AMBRA1: variants seen among roughly 807,000 people sequenced by gnomAD.
The protein encoded by AMBRA1 is autophagy and beclin 1 regulator 1.
Under a neutral mutation model 125.4 loss-of-function variants are expected in AMBRA1, and 47 were observed. The observed-to-expected ratio is 0.37, with a 90% CI of 0.30 to 0.48. The LOEUF is 0.48. AMBRA1 is among the 20% of genes least tolerant of loss of function. The pLI is 0.99. For missense variants in AMBRA1, 1,331 were observed against 1,693.4 expected, an observed-to-expected ratio of 0.79 and a Z score of 3.76; for synonymous variants, 626 against 655.5, an observed-to-expected ratio of 0.95 and a Z score of 0.69.
intron 7 of AMBRA1, among the ~76,000 whole-genome samples, chr11:46,521,312 T>C (rs1397456469): frequency 6.6e-6 from 1 of 152,278 alleles, no homozygotes. Flanking sequence ...GTCTGGTCCC[T>C]GGGAGGCTCA....
intron 7 of AMBRA1, among the ~76,000 whole-genome samples, chr11:46,518,731 T>G: frequency 6.6e-6 from 1 of 152,194 alleles, no homozygotes; most frequent in South Asian, 2.1e-4. Flanking sequence ...AAAAAAGAAC[T>G]TGAAATTAAA....
rs761032235 is a variant in AMBRA1 at position 46,397,546 on chromosome 11, G to A, written c.3801C>T (p.Thr1267=). 1.0e-5 allele frequency: 16 copies of A among 1,559,580 alleles called. No homozygotes were observed. The highest frequency in any genetic ancestry group is 1.4e-5 in the African/African-American group (1 of 73,680). ...PVSLPSAEGP[T]LHCELTNNNH... ...TGTTATTGGTCAACTCGCAGTGGAG[G>A]GTTGGTCCCTCAGCGCTGGGAAGGG... is the stretch of plus-strand genomic sequence containing the variant. Residue 1267 remains threonine (T), a synonymous_variant, in exon 18 of 18, where the codon ACC becomes ACT. Coordinates refer to ENST00000683756, the MANE Select transcript of AMBRA1 (RefSeq NM_001387011.1).
At chr11:46,494,043 T>A (rs1342741713) in intron 10 of AMBRA1, 81 bp downstream of exon 10, 4 of 1,369,162 alleles carry the variant, frequency 2.9e-6, no homozygotes, top group Admixed American at 4.0e-5. Flanking sequence ...TGTGGACAAT[T>A]CAAAGACCAG....
At chr11:46,506,373 C>T (rs956766167) in intron 9 of AMBRA1, among the ~76,000 whole-genome samples, 14 of 152,204 alleles carry the variant, frequency 9.2e-5, no homozygotes, top group Admixed American at 5.9e-4. Context: ...ACTTAGTTTT[C>T]CTTTTGCTTC....
At chr11:46,449,253 T>A (rs1012236347) in intron 11 of AMBRA1, among the ~76,000 whole-genome samples, 3 of 152,154 alleles carry the variant, frequency 2.0e-5, no homozygotes, top group Non-Finnish European at 4.4e-5. Context: ...TTGGAAGAAA[T>A]CTGTTTGTTG....
intron 14 of AMBRA1, chr11:46,428,507 C>G (rs759204499): frequency 1.2e-5 from 9 of 744,322 alleles, no homozygotes; most frequent in Non-Finnish European, 1.8e-5. Context: ...GCAAACTACG[C>G]CTGGTGAGAT....
chr11:46,500,583 C>A (rs1042915967), intron 9 of AMBRA1, among the ~76,000 whole-genome samples: 4 of 152,198 alleles, frequency 2.6e-5, no homozygotes, highest in Admixed American at 6.5e-5. Context: ...GCCAGGCATT[C>A]CAGGCCATCC....
At chr11:46,457,675 C>G (rs1948910236) in intron 11 of AMBRA1, among the ~76,000 whole-genome samples, 2 of 152,090 alleles carry the variant, frequency 1.3e-5, no homozygotes, top group South Asian at 2.1e-4. Flanking sequence ...CCAAGGCAGG[C>G]AGATCACCTG....
At chr11:46,527,474 T>A (rs1422073731) in intron 7 of AMBRA1, among the ~76,000 whole-genome samples, 3 of 46,044 alleles carry the variant, frequency 6.5e-5, no homozygotes, top group African/African-American at 1.9e-4. Context: ...AGTGAGACTG[T>A]CTCAAAAAAA....
At chr11:46,575,549 C>A (rs2043931592) in intron 1 of AMBRA1, among the ~76,000 whole-genome samples, 1 of 130,322 alleles carries the variant, frequency 7.7e-6, no homozygotes, top group Non-Finnish European at 1.6e-5. Context: ...CAGAGTCTCA[C>A]TCCGTCACCC....
chr11:46,551,244 A>G (rs551251773), intron 1 of AMBRA1, among the ~76,000 whole-genome samples: 1 of 152,304 alleles, frequency 6.6e-6, no homozygotes, highest in South Asian at 2.1e-4. Context: ...GACTAGATAA[A>G]TGGAAACAAA....
intron 11 of AMBRA1, among the ~76,000 whole-genome samples, chr11:46,492,388 C>CA (rs1253084291): frequency 6.6e-6 from 1 of 152,242 alleles, no homozygotes. Context: ...TTCTCACAGT[C>CA]AGACAGTGCC....
chr11:46,418,661 G>A (rs1440512932), intron 14 of AMBRA1, among the ~76,000 whole-genome samples: 5 of 151,914 alleles, frequency 3.3e-5, no homozygotes, highest in Non-Finnish European at 5.9e-5. Context: ...TTTGGTTTTC[G>A]AACAGGATGA....
chr11:46,423,701 A>C (rs1387593802), intron 14 of AMBRA1, among the ~76,000 whole-genome samples: 7 of 145,894 alleles, frequency 4.8e-5, no homozygotes, highest in African/African-American at 1.8e-4. Context: ...AATTTTTATT[A>C]TTTTTAAATT....
At chr11:46,499,571 T>C (rs1398223491) in intron 9 of AMBRA1, among the ~76,000 whole-genome samples, 1 of 152,206 alleles carries the variant, frequency 6.6e-6, no homozygotes, top group Non-Finnish European at 1.5e-5. Context: ...AGGTACCATA[T>C]AGCCTATTCT....
chr11:46,536,923 G>A (rs1013116918), intron 7 of AMBRA1, among the ~76,000 whole-genome samples: 2 of 152,158 alleles, frequency 1.3e-5, no homozygotes, highest in South Asian at 2.1e-4. Context: ...CTCAGAAGAC[G>A]CTCAGTCTTA....
In AMBRA1 at chr11:46,546,431, T is replaced by A. The variant is rs79565082; in HGVS notation, c.379-655A>T. 8.7e-3 allele frequency among the ~76,000 whole-genome samples: 1,330 copies of A among 152,168 alleles called. 8 individuals are homozygous for A. The highest frequency in any genetic ancestry group is 0.013 in the Non-Finnish European group (901 of 68,012). On this transcript the variant is annotated intron_variant, in intron 4 of 17. Transcript: ENST00000683756. ...TAGCCAGTTACTAGGACAAAGAGGA[T>A]CTTGCTTTGATGATCATGATCGGAG...
chr11:46,434,890 G>A lies in AMBRA1; in HGVS notation c.2780C>T (p.Ala927Val), dbSNP rs760527350. 5 of 1,613,334 alleles carry A rather than the reference G, an allele frequency of 3.1e-6. No individual in the cohort carries two copies. In the African/African-American group the frequency reaches 5.3e-5, roughly 17 times the overall value. ...DEGILAVYSL[A>V]PHNLGEMLYT... ...GAGCATTTCGCCCAGGTTATGGGGG[G>A]CCAGGGAGTACACTGCCAGGATGCC... The change falls in exon 13 of 18, where the codon GCC (alanine) becomes GTC (valine). Residue 927 changes from alanine to valine, a missense_variant. This residue lies in a region of AMBRA1 where 354 missense variants were observed against 532.7 expected (regional missense o/e 0.66). Transcript: ENST00000683756.
intron 17 of AMBRA1, among the ~76,000 whole-genome samples, chr11:46,407,698 C>T (rs1199455731): frequency 6.6e-6 from 1 of 152,200 alleles, no homozygotes; most frequent in African/African-American, 2.4e-5. Flanking sequence ...AAAGCCATTC[C>T]CTGGGGTGAT....
Sources: allele counts gnomAD v4.1 joint callset (sites outside exome capture counted in the v4.1 genomes callset), GRCh38; gene constraint gnomAD v4.1.1; regional missense constraint gnomAD v4.1.1; transcripts MANE v1.5; gene names NCBI Gene and HGNC (gene_info 2026-07-23, HGNC 2026-07-21).